BASP1: variants seen among roughly 807,000 people sequenced by gnomAD.
BASP1 encodes brain acid soluble protein 1.
In BASP1, 1 loss-of-function variant was observed where a neutral mutation model predicts 2.2. That is an observed-to-expected ratio of 0.46 (90% confidence interval 0.16 to 2.17). The LOEUF (loss-of-function observed/expected upper bound fraction) is 2.17, where lower values mean the gene tolerates loss of function less well. BASP1 is among the 30% of genes most tolerant of loss of function. BASP1 has a pLI of 0.27. For missense variants in BASP1, 352 were observed against 327.2 expected, an observed-to-expected ratio of 1.08 and a Z score of -0.58; for synonymous variants, 187 against 154.2, an observed-to-expected ratio of 1.21 and a Z score of -1.58.
At chr5:17,246,932 A>G (rs1193567650) in intron 1 of BASP1, among the ~76,000 whole-genome samples, 1 of 152,204 alleles carries the variant, frequency 6.6e-6, no homozygotes, top group African/African-American at 2.4e-5. Context: ...CACACCTGTA[A>G]TCCCAGCACT....
chr5:17,242,377 C>T (rs1056498767), intron 1 of BASP1, among the ~76,000 whole-genome samples: 4 of 152,026 alleles, frequency 2.6e-5, no homozygotes, highest in East Asian at 3.9e-4. Context: ...GTGGAAGGTA[C>T]GGAGGTTTCC....
At chr5:17,219,129 C>T (rs565586495) in intron 1 of BASP1, among the ~76,000 whole-genome samples, 55 of 151,984 alleles carry the variant, frequency 3.6e-4, no homozygotes, top group Middle Eastern at 3.4e-3. Context: ...GGATTACAGC[C>T]CGGGCCAACA....
At chr5:17,261,358 T>G (rs1275591056) in intron 1 of BASP1, among the ~76,000 whole-genome samples, 5 of 152,236 alleles carry the variant, frequency 3.3e-5, no homozygotes, top group African/African-American at 1.2e-4. Flanking sequence ...TTTTAGTTGT[T>G]GAAATGTCTG....
At chr5:17,264,082 A>G (rs569321070) in intron 1 of BASP1, among the ~76,000 whole-genome samples, 2 of 152,336 alleles carry the variant, frequency 1.3e-5, no homozygotes, top group South Asian at 4.1e-4. Context: ...TACTAAAAAT[A>G]CACATGGGCT....
Position 17,225,452 on chromosome 5 carries a change from C to T in BASP1, c.-10+7642C>T, listed in dbSNP as rs977001864. On this transcript the variant is annotated intron_variant, in intron 1 of 1. Coordinates refer to ENST00000322611, the MANE Select transcript of BASP1 (RefSeq NM_006317.5). ...CTTTCTGCTTCTTACATTATGTGCA[C>T]GTGGTTTCCTTTATATGCCAAAAAG... 6.6e-5 allele frequency among the ~76,000 whole-genome samples: 10 copies of T among 152,274 alleles called. No homozygotes were observed. The East Asian group carries it at 1.5e-3, about 23-fold the overall frequency.
At chr5:17,263,502 A>C (rs1443512888) in intron 1 of BASP1, among the ~76,000 whole-genome samples, 1 of 152,186 alleles carries the variant, frequency 6.6e-6, no homozygotes, top group Non-Finnish European at 1.5e-5. Context: ...CTCACCTCAG[A>C]TATTTATGCA....
chr5:17,223,700 G>A (rs1307725289), intron 1 of BASP1, among the ~76,000 whole-genome samples: 2 of 152,156 alleles, frequency 1.3e-5, no homozygotes, highest in Non-Finnish European at 2.9e-5. Flanking sequence ...GCTTTGATAT[G>A]TTGAGACCTG....
chr5:17,218,245 G>A (rs1579475903), intron 1 of BASP1, among the ~76,000 whole-genome samples: 1 of 149,564 alleles, frequency 6.7e-6, no homozygotes, highest in African/African-American at 2.5e-5. Flanking sequence ...AAGCGCTCGG[G>A]GCGAGGGGCG....
At chr5:17,246,428 C>T (rs187897663) in intron 1 of BASP1, among the ~76,000 whole-genome samples, 233 of 152,080 alleles carry the variant, frequency 1.5e-3, no homozygotes, top group African/African-American at 5.1e-3. Context: ...GCAGAGGTTG[C>T]GGTGAGCCGA....
At chr5:17,230,167 C>T (rs1406014245) in intron 1 of BASP1, among the ~76,000 whole-genome samples, 1 of 152,138 alleles carries the variant, frequency 6.6e-6, no homozygotes, top group African/African-American at 2.4e-5. Context: ...AAGAGTTGAC[C>T]AGATGCCTAG....
At chr5:17,234,110 G>A (rs904862) in intron 1 of BASP1, among the ~76,000 whole-genome samples, 21 of 152,116 alleles carry the variant, frequency 1.4e-4, no homozygotes, top group African/African-American at 4.6e-4. Flanking sequence ...CAGCCTGCAC[G>A]ACAGAGTGAG....
chr5:17,259,940 G>T (rs879641232), intron 1 of BASP1, among the ~76,000 whole-genome samples: 1 of 152,178 alleles, frequency 6.6e-6, no homozygotes, highest in Admixed American at 6.5e-5. Context: ...GTGGTGATAT[G>T]ATCTATTAGT....
intron 1 of BASP1, among the ~76,000 whole-genome samples, chr5:17,264,552 C>G (rs574285521): frequency 2.0e-5 from 3 of 152,316 alleles, no homozygotes; most frequent in Admixed American, 2.0e-4. Context: ...ACACATTGAA[C>G]TTTGTCTTGA....
chr5:17,272,657 A>G (rs981968620), intron 1 of BASP1, among the ~76,000 whole-genome samples: 2 of 152,206 alleles, frequency 1.3e-5, no homozygotes, highest in African/African-American at 2.4e-5. Context: ...TGATACCTCA[A>G]TATAACCAGT....
intron 1 of BASP1, among the ~76,000 whole-genome samples, chr5:17,266,491 T>C (rs1425062695): frequency 6.6e-6 from 1 of 152,136 alleles, no homozygotes; most frequent in Non-Finnish European, 1.5e-5. Context: ...TCCTTGTTGA[T>C]ATTCCTAAAG....
At chr5:17,255,997 A>G (rs567468292) in intron 1 of BASP1, among the ~76,000 whole-genome samples, 2 of 152,302 alleles carry the variant, frequency 1.3e-5, no homozygotes, top group East Asian at 3.9e-4. Flanking sequence ...TCTTTGAATC[A>G]GAAGGAATTT....
chr5:17,223,888 C>T (rs888366366), intron 1 of BASP1, among the ~76,000 whole-genome samples: 2 of 152,216 alleles, frequency 1.3e-5, no homozygotes, highest in African/African-American at 2.4e-5. Flanking sequence ...ATATTATTCC[C>T]ACTACCTCCA....
Position 17,251,271 on chromosome 5 carries a change from T to C in BASP1, c.-9-23937T>C, listed in dbSNP as rs1740097318. On this transcript the variant is annotated intron_variant, in intron 1 of 1. Coordinates refer to ENST00000322611, the MANE Select transcript of BASP1 (RefSeq NM_006317.5). The surrounding 1 kb of genome is among the most constrained non-coding windows in gnomAD (Gnocchi z 4.0). ...TATCATTACACATTGTATACAAGTA[T>C]CAAAATATCACATGTACCCCCAAAA... 6.6e-6 allele frequency among the ~76,000 whole-genome samples: 1 copy of C among 152,004 alleles called. No homozygotes were observed. Among genetic ancestry groups the C allele is most frequent in the Admixed American group, 6.6e-5 (1 of 15,266 alleles).
intron 1 of BASP1, among the ~76,000 whole-genome samples, chr5:17,249,191 G>T (rs1330611828): frequency 6.6e-6 from 1 of 152,076 alleles, no homozygotes; most frequent in East Asian, 1.9e-4. Context: ...CGCAGGAACC[G>T]TCCCTGTTGT....
Sources: allele counts gnomAD v4.1 joint callset (sites outside exome capture counted in the v4.1 genomes callset), GRCh38; gene constraint gnomAD v4.1.1; non-coding constraint Gnocchi (gnomAD v3.1); transcripts MANE v1.5; gene names NCBI Gene and HGNC (gene_info 2026-07-23, HGNC 2026-07-21).